Variants in CDH8 observed in about 807,000 individuals in gnomAD.
The protein encoded by CDH8 is cadherin-8.
A neutral mutation model predicts 68.1 loss-of-function variants in CDH8; 17 were observed. That is an observed-to-expected ratio of 0.25 (90% CI 0.17 to 0.37). CDH8 has a LOEUF of 0.37. Ranked by LOEUF, CDH8 falls within the 10% of genes least tolerant of loss-of-function variation. The pLI is 1.00. For missense variants in CDH8, 763 were observed against 999.3 expected (o/e 0.76, Z 3.19); for synonymous variants, 372 against 365.1 (o/e 1.02, Z -0.21).
chr16:61,780,393 C>A (rs1315867615), intron 8 of CDH8, among the ~76,000 whole-genome samples: 1 of 152,204 alleles, frequency 6.6e-6, no homozygotes, highest in African/African-American at 2.4e-5. Context: ...CACAGTGAAG[C>A]ATCTCAGCCT....
chr16:61,726,211 T>A (rs1243339398), intron 9 of CDH8: 1 of 150,978 alleles, frequency 6.6e-6, no homozygotes, highest in Admixed American at 6.6e-5. Context: ...AATTAAAATG[T>A]CACCATCCAG....
intron 8 of CDH8, among the ~76,000 whole-genome samples, chr16:61,760,029 C>A (rs1013194796): frequency 6.6e-6 from 1 of 151,966 alleles, no homozygotes; most frequent in African/African-American, 2.4e-5. Context: ...ACACACCCCC[C>A]ACCCCAACCC....
At chr16:61,762,416 T>TA (rs1960493581) in intron 8 of CDH8, among the ~76,000 whole-genome samples, 1 of 152,128 alleles carries the variant, frequency 6.6e-6, no homozygotes, top group African/African-American at 2.4e-5. Flanking sequence ...AGAGTCTAAG[T>TA]AAAAAACAAA....
chr16:61,851,114 A>C (rs1962928988), intron 4 of CDH8, among the ~76,000 whole-genome samples: 1 of 152,104 alleles, frequency 6.6e-6, no homozygotes, highest in African/African-American at 2.4e-5. Context: ...TCCTGATTAA[A>C]AAGAGGCCCT....
chr16:61,905,780 T>C (rs1964050490), intron 2 of CDH8, among the ~76,000 whole-genome samples: 1 of 151,758 alleles, frequency 6.6e-6, no homozygotes, highest in Non-Finnish European at 1.5e-5. Context: ...CCCAAAGAAG[T>C]AATGATTAAA....
chr16:62,010,681 G>A (rs930425013), intron 2 of CDH8, among the ~76,000 whole-genome samples: 1 of 151,966 alleles, frequency 6.6e-6, no homozygotes, highest in African/African-American at 2.4e-5. Context: ...GCTCACGCCT[G>A]AAATCCCAGC....
At chr16:61,784,178 T>A (rs1271075556) in intron 8 of CDH8, among the ~76,000 whole-genome samples, 4 of 151,826 alleles carry the variant, frequency 2.6e-5, no homozygotes, top group Admixed American at 2.0e-4. Context: ...CAGTGTGCTG[T>A]ATTCAGGAAA....
Position 61,892,455 on chromosome 16 carries a change from C to G in CDH8, c.547+8724G>C, listed in dbSNP as rs932699611. On this transcript the variant is annotated intron_variant, in intron 3 of 11. Coordinates refer to ENST00000577390, the MANE Select transcript of CDH8 (RefSeq NM_001796.5). ...TATCAAATTATGATATACAGTTATA[C>G]TTTAGAGACTGAAATAGGAAAAGCA... Among the ~76,000 whole-genome samples, 41 of 152,114 alleles carry G rather than the reference C, an allele frequency of 2.7e-4. 1 individual carries two copies. The highest frequency in any genetic ancestry group is 9.4e-4 in the African/African-American group (39 of 41,440).
At chr16:62,028,739 T>TA (rs35795463) in intron 1 of CDH8, among the ~76,000 whole-genome samples, 121 of 145,474 alleles carry the variant, frequency 8.3e-4, no homozygotes, top group Admixed American at 9.6e-4. Flanking sequence ...AAGATCATCC[T>TA]AAAAAAAAAA....
intron 10 of CDH8, among the ~76,000 whole-genome samples, chr16:61,697,825 A>T (rs1034483012): frequency 1.3e-5 from 2 of 152,200 alleles, no homozygotes; most frequent in African/African-American, 4.8e-5. Context: ...CACTCTGTAG[A>T]GAGAATGTGC....
At chr16:61,835,704 T>C (rs1480916586) in intron 4 of CDH8, among the ~76,000 whole-genome samples, 4 of 151,984 alleles carry the variant, frequency 2.6e-5, no homozygotes, top group Non-Finnish European at 4.4e-5. Context: ...GTGAAGAACA[T>C]GATGGCACTA....
chr16:61,685,775 A>T (rs1964094805), intron 10 of CDH8, among the ~76,000 whole-genome samples: 1 of 151,908 alleles, frequency 6.6e-6, no homozygotes, highest in Non-Finnish European at 1.5e-5. Flanking sequence ...CTGCAGAGAC[A>T]ATGAGCTTGA....
intron 4 of CDH8, among the ~76,000 whole-genome samples, chr16:61,834,638 C>G (rs149197136): frequency 1.9e-4 from 29 of 151,800 alleles, no homozygotes; most frequent in African/African-American, 5.6e-4. Context: ...AATATAATTA[C>G]TTGGGGATGA....
intron 10 of CDH8, among the ~76,000 whole-genome samples, chr16:61,696,770 T>C (rs940156582): frequency 6.6e-6 from 1 of 152,174 alleles, no homozygotes; most frequent in Non-Finnish European, 1.5e-5. Flanking sequence ...TTAAAAAGAA[T>C]GAAATCATGT....
chr16:61,885,187 T>C (rs1434627797), intron 3 of CDH8, among the ~76,000 whole-genome samples: 2 of 152,176 alleles, frequency 1.3e-5, no homozygotes, highest in Admixed American at 1.3e-4. Context: ...GAAGTCAGGA[T>C]ATCAGTTAAT....
intron 2 of CDH8, among the ~76,000 whole-genome samples, chr16:61,937,528 C>T (rs1964647064): frequency 6.6e-6 from 1 of 152,196 alleles, no homozygotes; most frequent in African/African-American, 2.4e-5. Flanking sequence ...TCACTTTTCT[C>T]AGTCTCTGGA....
intron 2 of CDH8, among the ~76,000 whole-genome samples, chr16:62,017,504 A>G (rs972427019): frequency 4.6e-5 from 7 of 152,048 alleles, no homozygotes; most frequent in African/African-American, 1.7e-4. Context: ...AACACAGGAT[A>G]CCCCATCTCT....
chr16:61,808,113 G>T (rs1366610985), intron 7 of CDH8, among the ~76,000 whole-genome samples: 1 of 152,184 alleles, frequency 6.6e-6, no homozygotes, highest in African/African-American at 2.4e-5. Context: ...TGAAAACCTA[G>T]TGTCATACAG....
At chr16:62,027,162 G>A (rs775562867) in intron 1 of CDH8, among the ~76,000 whole-genome samples, 7 of 152,078 alleles carry the variant, frequency 4.6e-5, no homozygotes, top group African/African-American at 1.2e-4. Context: ...TTACATATAC[G>A]AAAGTCTTTA....
Sources: allele counts gnomAD v4.1 joint callset (sites outside exome capture counted in the v4.1 genomes callset), GRCh38; gene constraint gnomAD v4.1.1; transcripts MANE v1.5; gene names NCBI Gene and HGNC (gene_info 2026-07-23, HGNC 2026-07-21).